Variants in ZNF726 observed in about 807,000 individuals in gnomAD.
ZNF726 encodes zinc finger protein 726.
A neutral mutation model predicts 11.6 loss-of-function variants in ZNF726; 15 were observed. The observed-to-expected ratio is 1.29, with a 90% CI of 0.86 to 1.99. The LOEUF is 1.99. Ranked by LOEUF, ZNF726 falls within the 30% of genes most tolerant of loss-of-function variation. ZNF726 has a pLI of 0.00. For synonymous variants in ZNF726, 295 were observed against 243.6 expected, an observed-to-expected ratio of 1.21 and a Z score of -1.96; for missense variants, 890 against 725.6, an observed-to-expected ratio of 1.23 and a Z score of -2.60.
chr19:23,925,435 A>T (rs952812179), intron 3 of ZNF726, among the ~76,000 whole-genome samples: 1 of 151,850 alleles, frequency 6.6e-6, no homozygotes, highest in Admixed American at 6.6e-5. Context: ...GTCAGGATTC[A>T]CCCACCTCTG....
chr19:23,929,439 T>C (rs1370963402), intron 3 of ZNF726, among the ~76,000 whole-genome samples: 1 of 152,194 alleles, frequency 6.6e-6, no homozygotes, highest in African/African-American at 2.4e-5. Context: ...TCTCACATGG[T>C]GGCAGACAAG....
At chr19:23,930,362 T>C (rs953051841) in intron 3 of ZNF726, among the ~76,000 whole-genome samples, 2 of 152,174 alleles carry the variant, frequency 1.3e-5, no homozygotes, top group African/African-American at 4.8e-5. Context: ...CACTTTTACA[T>C]TCCATGTTTT....
At chr19:23,919,522 A>C in intron 2 of ZNF726, 23 bp downstream of exon 2, 1 of 1,558,348 alleles carries the variant, frequency 6.4e-7, no homozygotes, top group Non-Finnish European at 8.6e-7. Context: ...TTAATACAAA[A>C]TTTTTAATAT....
intron 3 of ZNF726, among the ~76,000 whole-genome samples, chr19:23,922,507 T>A (rs778349627): frequency 1.3e-5 from 2 of 152,202 alleles, no homozygotes; most frequent in Non-Finnish European, 1.5e-5. Flanking sequence ...CTCCCAAGAC[T>A]GTGGCTGTGA....
intron 1 of ZNF726, among the ~76,000 whole-genome samples, chr19:23,918,467 T>C (rs1967758845): frequency 6.6e-6 from 1 of 152,192 alleles, no homozygotes; most frequent in African/African-American, 2.4e-5. Context: ...GGAAGATATC[T>C]GTATCTTGGA....
intron 1 of ZNF726, among the ~76,000 whole-genome samples, chr19:23,916,154 G>A (rs962058071): frequency 2.6e-5 from 4 of 152,036 alleles, no homozygotes; most frequent in African/African-American, 9.7e-5. Context: ...TCCCAAGCAG[G>A]GCCTCAAGTC....
At chr19:23,934,899 C>A (rs1170920047), downstream of ZNF726, among the ~76,000 whole-genome samples, 1 of 152,188 alleles carries the variant, frequency 6.6e-6, no homozygotes, top group Non-Finnish European at 1.5e-5. Flanking sequence ...GGAAAAGATA[C>A]CTGATAAAGC....
Position 23,932,854 on chromosome 19 carries a change from A to T in ZNF726, c.738A>T (p.Thr246=). 1 of 1,607,560 alleles carries T rather than the reference A, an allele frequency of 6.2e-7. No individual in the cohort carries two copies. Among genetic ancestry groups the T allele is most frequent in the South Asian group, 1.1e-5 (1 of 90,630 alleles). ...KAFNQSSNYT[T]HKVTHTGEKP... is the part of the protein sequence containing the mutation. ...TTAATCAATCCTCAAATTATACTAC[A>T]CATAAGGTAACTCATACTGGAGAGA... The change falls in exon 4 of 4, where the codon ACA becomes ACT. Residue 246 remains threonine (T), a synonymous_variant. Coordinates refer to ENST00000594466, the MANE Select transcript of ZNF726 (RefSeq NM_001244038.2).
At chr19:23,927,518 A>C (rs1298978986) in intron 3 of ZNF726, among the ~76,000 whole-genome samples, 1 of 150,216 alleles carries the variant, frequency 6.7e-6, no homozygotes, top group Non-Finnish European at 1.5e-5. Context: ...TGTATACAGG[A>C]TCTTACTCTG....
rs544337474 is a variant in ZNF726 at position 23,933,624 on chromosome 19, A to T, written c.1508A>T (p.His503Leu). ...SSTLTAHKIIHTGEKPYKCEE... is the reference protein window; with the variant it reads ...SSTLTAHKIILTGEKPYKCEE... ...ACCCTTACTGCACATAAGATAATTC[A>T]TACTGGAGAGAAACCCTACAAATGT... Residue 503 changes from histidine (H) to leucine (L), a missense_variant, in exon 4 of 4, where the codon CAT (histidine) becomes CTT (leucine). Coordinates refer to ENST00000594466, the MANE Select transcript of ZNF726 (RefSeq NM_001244038.2). 15 of 1,611,936 alleles carry T rather than the reference A, an allele frequency of 9.3e-6. No individual in the cohort carries two copies. The African/African-American group carries it at 1.9e-4, about 20-fold the overall frequency.
chr19:23,932,395 T>C lies in ZNF726; in HGVS notation c.279T>C (p.Asp93=). 1 of 1,524,038 alleles carries C rather than the reference T, an allele frequency of 6.6e-7. No homozygotes were observed. The highest frequency in any genetic ancestry group is 1.4e-5 in the South Asian group (1 of 71,192). The allele number at this position is 1,524,038 out of a possible 1,614,324, so 94.4% of individuals were successfully genotyped here. A position where few individuals can be genotyped will look rare whatever the true frequency, so the allele number is the denominator to read the frequency against. Residue 93 remains aspartate, a synonymous_variant, in exon 4 of 4, where the codon GAT becomes GAC. Coordinates refer to ENST00000594466, the MANE Select transcript of ZNF726 (RefSeq NM_001244038.2). ...QDIWPEQGVE[D]SFQKVILRRF... The stretch of plus-strand genomic sequence containing the variant: ...TTTGGCCAGAGCAGGGCGTGGAAGA[T>C]TCTTTTCAAAAAGTAATACTAAGAA...
In ZNF726 at chr19:23,932,576, TTTTATAAA is replaced by T. The variant is rs760287729; in HGVS notation, c.473_480del (p.Ile158LysfsTer4). On this transcript the variant is annotated frameshift_variant, in exon 4 of 4. Transcript: ENST00000594466. LOFTEE classifies it low-confidence loss of function (END_TRUNC). Reference sequence around the variant, plus strand: ...TCAATGTGGTAAATATTTGAAAGTCTTTTATAAATTTATAAATTTAAACAGATATAAGA... The same window carrying T: ...TCAATGTGGTAAATATTTGAAAGTCTTTTATAAATTTAAACAGATATAAGA... 7 of 1,560,540 alleles carry T rather than the reference TTTTATAAA, an allele frequency of 4.5e-6. No individual in the cohort carries two copies. In the Admixed American group the frequency reaches 5.8e-5, roughly 13 times the overall value.
At chr19:23,936,471 C>T (rs1434473184), downstream of ZNF726, among the ~76,000 whole-genome samples, 1 of 149,284 alleles carries the variant, frequency 6.7e-6, no homozygotes, top group Non-Finnish European at 1.5e-5. Flanking sequence ...TCCATCATTC[C>T]TGGTGTATTC....
intron 2 of ZNF726, 166 bp from the exon 3 acceptor site, chr19:23,919,821 T>A: frequency 2.1e-6 from 1 of 483,640 alleles, no homozygotes; most frequent in East Asian, 5.7e-5. Flanking sequence ...ATTAAGAACC[T>A]ACAAAATTAA....
chr19:23,915,070 GGGA>G, intron 1 of ZNF726, 73 bp downstream of exon 1: 1 of 1,608,318 alleles, frequency 6.2e-7, no homozygotes, highest in South Asian at 1.1e-5. Flanking sequence ...CGGCAGTGGC[GGGA>G]CTCAGGCCTC....
At chr19:23,931,279 G>A (rs1048296884) in intron 3 of ZNF726, among the ~76,000 whole-genome samples, 1 of 152,140 alleles carries the variant, frequency 6.6e-6, no homozygotes, top group African/African-American at 2.4e-5. Context: ...AGCCAAAACC[G>A]CAACTGAGCT....
At chr19:23,919,260 C>A in intron 1 of ZNF726, 113 bp from the exon 2 acceptor site, 1 of 1,481,808 alleles carries the variant, frequency 6.7e-7, no homozygotes, top group Non-Finnish European at 9.1e-7. Flanking sequence ...TAATTTCAGT[C>A]CCTCTTATAA....
chr19:23,931,811 G>T (rs1445328466), intron 3 of ZNF726, among the ~76,000 whole-genome samples: 1 of 152,044 alleles, frequency 6.6e-6, no homozygotes, highest in Non-Finnish European at 1.5e-5. Flanking sequence ...CTGTGGTACT[G>T]CAGTCTGGCG....
intron 3 of ZNF726, among the ~76,000 whole-genome samples, chr19:23,942,978 A>G (rs1444407936): frequency 6.6e-6 from 1 of 152,076 alleles, no homozygotes; most frequent in African/African-American, 2.4e-5. Context: ...GTACAATTAC[A>G]TTCATCATGC....
Sources: gnomAD v4.1 joint callset for allele counts (sites outside exome capture counted in the v4.1 genomes callset) on GRCh38, gnomAD v4.1.1 for gene constraint, MANE v1.5 for transcripts, NCBI Gene and HGNC (gene_info 2026-07-23, HGNC 2026-07-21) for gene names.